The following ZCCHC7 variants were observed in gnomAD, a reference collection of about 807,000 sequenced individuals.
The protein encoded by ZCCHC7 is zinc finger CCHC domain-containing protein 7.
A neutral mutation model predicts 52.0 loss-of-function variants in ZCCHC7; 35 were observed. The observed-to-expected ratio is 0.67, with a 90% CI of 0.51 to 0.89. The LOEUF (loss-of-function observed/expected upper bound fraction) is 0.89. Ranked by LOEUF, ZCCHC7 falls within the 40% of genes least tolerant of loss-of-function variation. The pLI is 0.00. For synonymous variants in ZCCHC7, 217 were observed against 221.5 expected, an observed-to-expected ratio of 0.98 and a Z score of 0.18; for missense variants, 574 against 649.1, an observed-to-expected ratio of 0.88 and a Z score of 1.26.
At chr9:37,160,762 G>T (rs763762275) in intron 2 of ZCCHC7, among the ~76,000 whole-genome samples, 15 of 151,154 alleles carry the variant, frequency 9.9e-5, no homozygotes, top group African/African-American at 3.2e-4. Flanking sequence ...AGCTGGTGCC[G>T]GTAATCCCAA....
At chr9:37,209,879 T>C (rs1045142137) in intron 2 of ZCCHC7, among the ~76,000 whole-genome samples, 20 of 152,182 alleles carry the variant, frequency 1.3e-4, no homozygotes, top group Non-Finnish European at 1.9e-4. Flanking sequence ...CAGATAGTAA[T>C]ACATGAAGTC....
chr9:37,291,289 C>T (rs1026158013), intron 2 of ZCCHC7, among the ~76,000 whole-genome samples: 1 of 151,814 alleles, frequency 6.6e-6, no homozygotes, highest in African/African-American at 2.4e-5. Flanking sequence ...TCTCAGACTA[C>T]GATTTTTCAG....
chr9:37,161,399 C>G (rs1005794640), intron 2 of ZCCHC7, among the ~76,000 whole-genome samples: 3 of 151,878 alleles, frequency 2.0e-5, no homozygotes, highest in Admixed American at 6.6e-5. Context: ...ACGGTGAAAC[C>G]CCATCTCTAC....
At chr9:37,142,563 T>G (rs1843274067) in intron 2 of ZCCHC7, among the ~76,000 whole-genome samples, 1 of 151,822 alleles carries the variant, frequency 6.6e-6, no homozygotes, top group Non-Finnish European at 1.5e-5. Flanking sequence ...ATCAAATGAC[T>G]TCTCAAAAAG....
intron 5 of ZCCHC7, among the ~76,000 whole-genome samples, chr9:37,316,302 T>A (rs1177292993): frequency 1.3e-5 from 2 of 151,158 alleles, no homozygotes; most frequent in East Asian, 3.9e-4. Context: ...TCAAGTGATC[T>A]GCCCACCTCA....
At chr9:37,293,414 C>T (rs1828629382) in intron 2 of ZCCHC7, among the ~76,000 whole-genome samples, 1 of 152,202 alleles carries the variant, frequency 6.6e-6, no homozygotes. Context: ...TAGCTATCAG[C>T]AGATAGATAG....
chr9:37,305,232 T>C (rs570200960), intron 4 of ZCCHC7, among the ~76,000 whole-genome samples: 19 of 152,364 alleles, frequency 1.2e-4, no homozygotes, highest in African/African-American at 4.6e-4. Flanking sequence ...GTTCCTCCTA[T>C]GACTTAGCTT....
chr9:37,243,673 A>G (rs1008895374), intron 2 of ZCCHC7, among the ~76,000 whole-genome samples: 1 of 151,920 alleles, frequency 6.6e-6, no homozygotes, highest in African/African-American at 2.4e-5. Context: ...ACTATGCTAG[A>G]GGAGTTAGCA....
At chr9:37,139,891 C>T (rs1254819978) in intron 2 of ZCCHC7, among the ~76,000 whole-genome samples, 1 of 151,896 alleles carries the variant, frequency 6.6e-6, no homozygotes, top group Non-Finnish European at 1.5e-5. Context: ...GGAGGGAAAG[C>T]TCCAACTCTT....
chr9:37,222,328 A>AGT (rs74182938), intron 2 of ZCCHC7, among the ~76,000 whole-genome samples: 17,250 of 132,832 alleles, frequency 0.13, 990 homozygotes, highest in Middle Eastern at 0.17. Context: ...AGAATAACAG[A>AGT]GTGTGTGTGT....
At chr9:37,215,039 C>CT (rs1312781145) in intron 2 of ZCCHC7, among the ~76,000 whole-genome samples, 4 of 152,048 alleles carry the variant, frequency 2.6e-5, no homozygotes, top group African/African-American at 9.6e-5. Context: ...TTTATGAAAC[C>CT]TTTTATTACA....
At chr9:37,217,975 A>G (rs1824600346) in intron 2 of ZCCHC7, among the ~76,000 whole-genome samples, 1 of 152,136 alleles carries the variant, frequency 6.6e-6, no homozygotes, top group South Asian at 2.1e-4. Flanking sequence ...TGGAAATTCT[A>G]TTTTAAAGCA....
intron 6 of ZCCHC7, among the ~76,000 whole-genome samples, chr9:37,339,910 C>T (rs1830841175): frequency 6.6e-6 from 1 of 152,118 alleles, no homozygotes; most frequent in Non-Finnish European, 1.5e-5. Context: ...ATAAGGGCAG[C>T]TGAAGGTCAC....
intron 2 of ZCCHC7, among the ~76,000 whole-genome samples, chr9:37,284,971 T>A (rs1223314949): frequency 6.6e-6 from 1 of 152,238 alleles, no homozygotes; most frequent in Admixed American, 6.5e-5. Context: ...TTAATTTTTT[T>A]AATTTCCTTT....
intron 2 of ZCCHC7, among the ~76,000 whole-genome samples, chr9:37,284,886 G>A (rs1329337223): frequency 1.3e-5 from 2 of 152,158 alleles, no homozygotes; most frequent in Non-Finnish European, 2.9e-5. Flanking sequence ...TTCCCAGGAG[G>A]CATGAACTAT....
chr9:37,122,220 G>A (rs572316060), intron 1 of ZCCHC7, among the ~76,000 whole-genome samples: 1 of 152,350 alleles, frequency 6.6e-6, no homozygotes, highest in Admixed American at 6.5e-5. Context: ...ACTGTGTTAA[G>A]TAAATGCTGA....
At chr9:37,145,153 G>A (rs1843383928) in intron 2 of ZCCHC7, among the ~76,000 whole-genome samples, 1 of 151,884 alleles carries the variant, frequency 6.6e-6, no homozygotes, top group East Asian at 1.9e-4. Flanking sequence ...GATTAGTTAA[G>A]GGGCTGAATG....
At position 37,278,034 on chromosome 9, in the gene ZCCHC7, G is replaced by GTTTTGTTTTGTTTTGTTTTGTTTTGTTT. The variant is rs1554723031; in HGVS notation, c.611-24153_611-24152insTTTGTTTTGTTTTGTTTTGTTTTGTTTT. 2.4e-4 allele frequency among the ~76,000 whole-genome samples: 34 copies of GTTTTGTTTTGTTTTGTTTTGTTTTGTTT among 142,956 alleles called. No individual in the cohort carries two copies. The South Asian group carries it at 3.2e-3, about 14-fold the overall frequency. The allele number at this position is 142,956 out of a possible 152,430, so 93.8% of individuals were successfully genotyped here. A position where few individuals can be genotyped will look rare whatever the true frequency, so the allele number is the denominator to read the frequency against. On this transcript the variant is annotated intron_variant, in intron 2 of 8. Transcript: ENST00000336755. ...TTTGTTTGTGTGTGTGTGTGTGTGT[G>GTTTTGTTTTGTTTTGTTTTGTTTTGTTT]TGTTTTGTTTTGTTTTGTTTTGTTT...
At chr9:37,224,881 A>G (rs149439546) in intron 2 of ZCCHC7, among the ~76,000 whole-genome samples, 1 of 152,318 alleles carries the variant, frequency 6.6e-6, no homozygotes, top group East Asian at 1.9e-4. Flanking sequence ...ACTGGAAAGG[A>G]GCAGGTGTAG....
Sources: allele counts gnomAD v4.1 joint callset (sites outside exome capture counted in the v4.1 genomes callset), GRCh38; gene constraint gnomAD v4.1.1; transcripts MANE v1.5; gene names NCBI Gene and HGNC (gene_info 2026-07-23, HGNC 2026-07-21).